The following UBXN7 variants were observed in gnomAD, a reference collection of about 807,000 sequenced individuals.
UBXN7 encodes UBX domain protein 7.
UBXN7 carries 9 observed loss-of-function variants against 58.0 expected under a neutral mutation model. That is an observed-to-expected ratio of 0.16 (90% CI 0.09 to 0.27). UBXN7 has a LOEUF of 0.27. Ranked by LOEUF, UBXN7 falls within the 10% of genes least tolerant of loss-of-function variation. The pLI is 1.00. For missense variants in UBXN7, 328 were observed against 599.6 expected, an observed-to-expected ratio of 0.55 and a Z score of 4.73; for synonymous variants, 208 against 205.0, an observed-to-expected ratio of 1.01 and a Z score of -0.12.
At chr3:196,426,644 T>A (rs561101423) in intron 1 of UBXN7, among the ~76,000 whole-genome samples, 31 of 151,770 alleles carry the variant, frequency 2.0e-4, no homozygotes, top group African/African-American at 7.3e-4. Flanking sequence ...AGGTCGGGAG[T>A]TCGAGACCAG....
At chr3:196,400,964 G>A (rs1055487441) in intron 3 of UBXN7, among the ~76,000 whole-genome samples, 1 of 151,792 alleles carries the variant, frequency 6.6e-6, no homozygotes, top group African/African-American at 2.4e-5. Flanking sequence ...TATATTAACA[G>A]CATAATGACT....
At chr3:196,373,714 C>A (rs1481151069) in intron 5 of UBXN7, among the ~76,000 whole-genome samples, 2 of 151,680 alleles carry the variant, frequency 1.3e-5, no homozygotes, top group Admixed American at 6.6e-5. Context: ...AAATTATTTT[C>A]TTTTTTTGTT....
chr3:196,366,479 T>C (rs1728670247), intron 8 of UBXN7, among the ~76,000 whole-genome samples: 1 of 151,196 alleles, frequency 6.6e-6, no homozygotes, highest in South Asian at 2.1e-4. Flanking sequence ...TTTTTTAAAG[T>C]TCTCTCAAGG....
Position 196,360,213 on chromosome 3 carries a change from G to T in UBXN7, c.1308+1631C>A, listed in dbSNP as rs116657235. Among the ~76,000 whole-genome samples, 775 of 152,346 alleles carry T rather than the reference G, an allele frequency of 5.1e-3. 6 individuals are homozygous for T. The highest frequency in any genetic ancestry group is 0.018 in the African/African-American group (743 of 41,580). On this transcript the variant is annotated intron_variant, in intron 10 of 10. Transcript: ENST00000296328. The stretch of plus-strand genomic sequence containing the variant: ...TGCAGAAGGTGCAGAAACTTATCTA[G>T]AAGATGTAGTGAAGACAGTTCACGA...
intron 5 of UBXN7, among the ~76,000 whole-genome samples, chr3:196,378,315 G>A (rs761996142): frequency 6.6e-6 from 1 of 152,180 alleles, no homozygotes; most frequent in Non-Finnish European, 1.5e-5. Flanking sequence ...GTGTAGCCAT[G>A]CTGCCAAGTT....
At chr3:196,429,193 G>A (rs752083454) in intron 1 of UBXN7, among the ~76,000 whole-genome samples, 1 of 152,030 alleles carries the variant, frequency 6.6e-6, no homozygotes, top group Admixed American at 6.6e-5. Context: ...CAGGCGTGGT[G>A]GCAGGCGCCT....
chr3:196,420,107 A>T (rs1334052595), intron 1 of UBXN7, among the ~76,000 whole-genome samples: 1 of 152,202 alleles, frequency 6.6e-6, no homozygotes, highest in African/African-American at 2.4e-5. Context: ...ACAATTTCTG[A>T]TGGATCAGCT....
chr3:196,410,803 C>T (rs1424965463), intron 1 of UBXN7, among the ~76,000 whole-genome samples: 3 of 150,592 alleles, frequency 2.0e-5, no homozygotes, highest in Non-Finnish European at 3.0e-5. Flanking sequence ...GCCTGGGCAA[C>T]GGAGCAAGAC....
chr3:196,355,412 T>C lies in UBXN7; in HGVS notation c.*1273A>G, dbSNP rs1728317842. On this transcript the variant is annotated 3_prime_UTR_variant, in exon 11 of 11. Transcript: ENST00000296328. ...TGAAGAAAGCTTTCACCAACTCTAATTTGATTTTGGGTTTTGTTGGCAGAA... is the reference window on the plus strand; with the variant it reads ...TGAAGAAAGCTTTCACCAACTCTAACTTGATTTTGGGTTTTGTTGGCAGAA... 1 of 152,216 alleles carries C rather than the reference T, an allele frequency of 6.6e-6. No individual in the cohort carries two copies. Among genetic ancestry groups the C allele is most frequent in the African/African-American group, 2.4e-5 (1 of 41,452 alleles). 9.4% of individuals were successfully genotyped at this position (152,216 alleles called of 1,614,324 possible).
At chr3:196,382,008 G>C (rs1460158409) in intron 5 of UBXN7, among the ~76,000 whole-genome samples, 1 of 152,148 alleles carries the variant, frequency 6.6e-6, no homozygotes, top group East Asian at 1.9e-4. Context: ...CCAAATCTAC[G>C]TTTGATTGGT....
chr3:196,414,625 AC>A (rs1321714862), intron 1 of UBXN7: 4 of 152,300 alleles, frequency 2.6e-5, no homozygotes, highest in Non-Finnish European at 4.4e-5. Context: ...AGTGGTTGGG[AC>A]AACAAACCAA....
intron 5 of UBXN7, among the ~76,000 whole-genome samples, chr3:196,377,443 A>G (rs1362997289): frequency 6.6e-6 from 1 of 152,130 alleles, no homozygotes; most frequent in Admixed American, 6.6e-5. Flanking sequence ...TAATCTTCCT[A>G]ATACAGTCCT....
At chr3:196,367,624 A>C (rs1450734542) in intron 8 of UBXN7, among the ~76,000 whole-genome samples, 1 of 152,160 alleles carries the variant, frequency 6.6e-6, no homozygotes, top group Non-Finnish European at 1.5e-5. Flanking sequence ...CAAAACACAC[A>C]AAAAAACCAA....
At chr3:196,412,633 T>A (rs1375113463) in intron 1 of UBXN7, among the ~76,000 whole-genome samples, 7 of 152,154 alleles carry the variant, frequency 4.6e-5, no homozygotes, top group Non-Finnish European at 5.9e-5. Flanking sequence ...CCCACTTTCA[T>A]AATAGCATTA....
At chr3:196,369,614 G>C (rs564238356) in intron 6 of UBXN7, 103 bp from the exon 7 acceptor site, 1 of 782,952 alleles carries the variant, frequency 1.3e-6, no homozygotes, top group Non-Finnish European at 2.1e-6. Context: ...ATATACCTCC[G>C]GCCTATGTAT....
chr3:196,424,569 G>T (rs938998376), intron 1 of UBXN7, among the ~76,000 whole-genome samples: 1 of 151,148 alleles, frequency 6.6e-6, no homozygotes, highest in Non-Finnish European at 1.5e-5. Flanking sequence ...ACTTTTTGTA[G>T]AAACAGGCTC....
At chr3:196,368,543 T>C (rs1191232922) in intron 7 of UBXN7, among the ~76,000 whole-genome samples, 1 of 152,202 alleles carries the variant, frequency 6.6e-6, no homozygotes, top group Non-Finnish European at 1.5e-5. Context: ...AAGTGTACTG[T>C]AAAGACATAT....
chr3:196,388,654 T>TA (rs1357509436), intron 5 of UBXN7, among the ~76,000 whole-genome samples: 1 of 152,162 alleles, frequency 6.6e-6, no homozygotes, highest in Admixed American at 6.5e-5. Flanking sequence ...TACCTCTAGT[T>TA]ACACTAGCTT....
chr3:196,431,917 G>A lies in UBXN7; in HGVS notation c.73+410C>T, dbSNP rs1165495082. 8.1e-6 allele frequency: 3 copies of A among 371,280 alleles called. No homozygotes were observed. In the Admixed American group the frequency reaches 1.1e-4, roughly 14 times the overall value. The allele number at this position is 371,280 out of a possible 1,614,324, so 23.0% of individuals were successfully genotyped here. A position where few individuals can be genotyped will look rare whatever the true frequency, so the allele number is the denominator to read the frequency against. On this transcript the variant is annotated intron_variant, in intron 1 of 10. Coordinates refer to ENST00000296328, the MANE Select transcript of UBXN7 (RefSeq NM_015562.2). ...GGCCGGGGAAGAAAGGAAAAAAGGA[G>A]GTGAGGAGATGCACCGCACCGCAGG...
Sources: allele counts gnomAD v4.1 joint callset (sites outside exome capture counted in the v4.1 genomes callset), GRCh38; gene constraint gnomAD v4.1.1; transcripts MANE v1.5; gene names NCBI Gene and HGNC (gene_info 2026-07-23, HGNC 2026-07-21).